Variants in INPP5D observed in about 807,000 individuals in gnomAD.
INPP5D encodes the protein inositol polyphosphate-5-phosphatase D.
INPP5D carries 33 observed loss-of-function variants against 122.9 expected under a neutral mutation model. That is an observed-to-expected ratio of 0.27 (90% CI 0.20 to 0.36). The LOEUF is 0.36. INPP5D is among the 10% of genes least tolerant of loss of function. The pLI is 1.00. For missense variants in INPP5D, 1,053 were observed against 1,412.7 expected, an observed-to-expected ratio of 0.75 and a Z score of 4.08; for synonymous variants, 584 against 576.2, an observed-to-expected ratio of 1.01 and a Z score of -0.19.
chr2:233,133,999 G>A (rs1693401480), intron 5 of INPP5D: 2 of 456,330 alleles, frequency 4.4e-6, no homozygotes, highest in African/African-American at 4.0e-5. Flanking sequence ...GAGAACTGGT[G>A]TGACCTGGGA....
intron 2 of INPP5D, among the ~76,000 whole-genome samples, chr2:233,109,263 G>A (rs775992067): frequency 1.3e-5 from 2 of 152,164 alleles, no homozygotes; most frequent in Non-Finnish European, 2.9e-5. Context: ...CCTCCCCTCT[G>A]GCCAGTCCCA....
intron 4 of INPP5D, among the ~76,000 whole-genome samples, chr2:233,126,344 G>T (rs933394872): frequency 2.0e-5 from 3 of 152,186 alleles, no homozygotes; most frequent in Non-Finnish European, 4.4e-5. Context: ...CCAACTTGAA[G>T]GATCCATCTG....
chr2:233,073,299 C>T (rs1222229435), intron 1 of INPP5D, among the ~76,000 whole-genome samples: 1 of 152,118 alleles, frequency 6.6e-6, no homozygotes, highest in Non-Finnish European at 1.5e-5. Flanking sequence ...AAGTGACAGG[C>T]TCTTAGGTTG....
At chr2:233,172,282 G>A (rs1192384174) in intron 17 of INPP5D, among the ~76,000 whole-genome samples, 1 of 152,222 alleles carries the variant, frequency 6.6e-6, no homozygotes, top group African/African-American at 2.4e-5. Flanking sequence ...GCCTGAGATG[G>A]GAGAGTGGCC....
At chr2:233,061,025 C>T (rs888526681) in intron 1 of INPP5D, among the ~76,000 whole-genome samples, 5 of 152,222 alleles carry the variant, frequency 3.3e-5, no homozygotes, top group South Asian at 2.1e-4. Flanking sequence ...GGGGACCCTT[C>T]CTGGAGCACC....
chr2:233,204,066 C>G, intron 25 of INPP5D, 60 bp from the exon 26 acceptor site: 1 of 1,449,432 alleles, frequency 6.9e-7, no homozygotes, highest in Non-Finnish European at 9.1e-7. Flanking sequence ...CATTAAGCAG[C>G]CATGCTCCCA....
rs956649182 is a variant in INPP5D at position 233,188,362 on chromosome 2, TTTG to T, written c.2359-1482_2359-1480del. ...AGGGTGGTGGTGTCGCACAGAGACA[TTTG>T]TTGTTCAGATGTCTGTCACCCCATT... On this transcript the variant is annotated intron_variant, in intron 21 of 26. Coordinates refer to ENST00000445964, the MANE Select transcript of INPP5D (RefSeq NM_001017915.3). The surrounding 1 kb of genome is among the most constrained non-coding windows in gnomAD (Gnocchi z 4.7). Among the ~76,000 whole-genome samples, 3 of 151,954 alleles carry T rather than the reference TTTG, an allele frequency of 2.0e-5. No homozygotes were observed. Among genetic ancestry groups the T allele is most frequent in the Non-Finnish European group, 4.4e-5 (3 of 67,974 alleles).
chr2:233,102,697 A>C (rs1219180860), intron 2 of INPP5D, among the ~76,000 whole-genome samples: 1 of 147,044 alleles, frequency 6.8e-6, no homozygotes, highest in Non-Finnish European at 1.5e-5. Context: ...AAATGCAAAA[A>C]AAATTAGCTG....
At position 233,169,364 on chromosome 2, in the gene INPP5D, A is replaced by G; in HGVS notation, c.1615A>G (p.Asn539Asp). 2 of 1,604,516 alleles carry G rather than the reference A, an allele frequency of 1.2e-6. No homozygotes were observed. The highest frequency in any genetic ancestry group is 1.7e-6 in the Non-Finnish European group (2 of 1,175,448). ...CAATGGAACCTCCTTAGGGTTCGTC[A>G]ACAGCCACTTGACTTCAGGAAGTGA... ...MFNGTSLGFV[N>D]SHLTSGSEKK... Residue 539 changes from asparagine (N) to aspartate (D), a missense_variant, in exon 14 of 27, where the codon AAC (asparagine) becomes GAC (aspartate). This residue lies in a region of INPP5D where 258 missense variants were observed against 439.1 expected (regional missense o/e 0.59). Coordinates refer to ENST00000445964, the MANE Select transcript of INPP5D (RefSeq NM_001017915.3).
Position 233,204,252 on chromosome 2 carries a change from G to A in INPP5D, c.3102G>A (p.Arg1034=). 19 of 1,613,610 alleles carry A rather than the reference G, an allele frequency of 1.2e-5. No homozygotes were observed. Among genetic ancestry groups the A allele is most frequent in the Non-Finnish European group, 1.4e-5 (17 of 1,179,868 alleles). Residue 1034 remains arginine, a synonymous_variant, in exon 26 of 27, where the codon AGG becomes AGA. Transcript: ENST00000445964. ...GTTCCTTCCCTAAGCCTGCTCCCAG[G>A]AAGGACCAGGAATCCCCCAAAATGC... The part of the protein sequence containing the change: ...SLSSFPKPAP[R]KDQESPKMPR...
At chr2:233,072,210 A>G (rs1328211477) in intron 1 of INPP5D, among the ~76,000 whole-genome samples, 1 of 152,210 alleles carries the variant, frequency 6.6e-6, no homozygotes, top group African/African-American at 2.4e-5. Flanking sequence ...GTCTTCTTCT[A>G]GTTTTAGAAA....
chr2:233,193,870 G>A lies in INPP5D; in HGVS notation c.2505G>A (p.Thr835=), dbSNP rs749561230. The change falls in exon 23 of 27, where the codon ACG becomes ACA. Residue 835 remains threonine (T), a synonymous_variant. Coordinates refer to ENST00000445964, the MANE Select transcript of INPP5D (RefSeq NM_001017915.3). The stretch of plus-strand genomic sequence containing the variant: ...CAGAAACGCAGCTGCCCATCTACAC[G>A]CCTCTCACCCACCATGGGGAGTTGA... The part of the protein sequence containing the change: ...EATETQLPIY[T]PLTHHGELTG... The A allele has an allele frequency of 9.9e-6, 16 of 1,613,816 alleles. No individual in the cohort carries two copies. The highest frequency in any genetic ancestry group is 3.3e-5 in the Admixed American group (2 of 59,998).
chr2:233,175,193 C>T (rs1285013273), intron 17 of INPP5D, among the ~76,000 whole-genome samples: 6 of 116,292 alleles, frequency 5.2e-5, no homozygotes, highest in African/African-American at 1.0e-4. Context: ...ACTCCAACCT[C>T]AGCAACAGGG....
rs1438160109 is a variant in INPP5D, at chr2:233,204,695, C to T, written c.3545C>T (p.Pro1182Leu). 1.3e-6 allele frequency: 2 copies of T among 1,548,552 alleles called. No homozygotes were observed. The highest frequency in any genetic ancestry group is 8.7e-7 in the Non-Finnish European group (1 of 1,150,176). The change falls in exon 26 of 27, where the codon CCT (proline) becomes CTT (leucine). Residue 1182 changes from proline (P) to leucine (L), a missense_variant. By Grantham distance (98) the Pro-to-Leu change is moderately conservative (BLOSUM62 -3). This residue lies in a region of INPP5D where 417 missense variants were observed against 425.8 expected (regional missense o/e 0.98). Coordinates refer to ENST00000445964, the MANE Select transcript of INPP5D (RefSeq NM_001017915.3). ...KHRPEEGPPG[P>L]LGRTAMQ ...CGGCCGGAGGAGGGGCCACCAGGGC[C>T]TCTAGGCAGGACTGCCATGCAGGTG...
intron 1 of INPP5D, among the ~76,000 whole-genome samples, chr2:233,066,311 C>T (rs1691225436): frequency 6.6e-6 from 1 of 152,250 alleles, no homozygotes; most frequent in South Asian, 2.1e-4. Context: ...ACCCTTGCGT[C>T]ATGATGACAT....
Position 233,164,736 on chromosome 2 carries a change from C to A in INPP5D, c.1555+312C>A, listed in dbSNP as rs1404089739. On this transcript the variant is annotated intron_variant, in intron 13 of 26. Coordinates refer to ENST00000445964, the MANE Select transcript of INPP5D (RefSeq NM_001017915.3). This position sits in a 1 kb window ranked among gnomAD's most constrained non-coding sequence, Gnocchi z 4.3. Reference sequence around the variant, plus strand: ...GAGCGCTGCTGGTCGGCCCGTGGGACCCATTTTAAGAAGCAAGAACCTAGA... The same window carrying A: ...GAGCGCTGCTGGTCGGCCCGTGGGAACCATTTTAAGAAGCAAGAACCTAGA... Among the ~76,000 whole-genome samples the A allele has an allele frequency of 6.6e-6, 1 of 151,994 alleles. No individual in the cohort carries two copies. The highest frequency in any genetic ancestry group is 2.4e-5 in the African/African-American group (1 of 41,290).
chr2:233,169,234 G>A (rs1338371656), intron 13 of INPP5D, 71 bp from the exon 14 acceptor site: 36 of 1,545,528 alleles, frequency 2.3e-5, no homozygotes, highest in East Asian at 4.9e-5. Flanking sequence ...CCCTGCCTTC[G>A]GGTGATTTCT....
chr2:233,134,833 A>C (rs1693423032), intron 5 of INPP5D, among the ~76,000 whole-genome samples: 1 of 152,234 alleles, frequency 6.6e-6, no homozygotes, highest in African/African-American at 2.4e-5. Flanking sequence ...ATACTTCATT[A>C]CCATTATAAC....
At chr2:233,071,966 G>A (rs543501481) in intron 1 of INPP5D, among the ~76,000 whole-genome samples, 2 of 152,162 alleles carry the variant, frequency 1.3e-5, no homozygotes, top group South Asian at 4.1e-4. Flanking sequence ...ATTGTTTTGT[G>A]GTGTACTTTC....
Sources: allele counts gnomAD v4.1 joint callset (sites outside exome capture counted in the v4.1 genomes callset), GRCh38; gene constraint gnomAD v4.1.1; regional missense constraint gnomAD v4.1.1; non-coding constraint Gnocchi (gnomAD v3.1); transcripts MANE v1.5; gene names NCBI Gene and HGNC (gene_info 2026-07-23, HGNC 2026-07-21).